KRT73: variants seen among roughly 807,000 people sequenced by gnomAD.
The protein encoded by KRT73 is keratin, type II cytoskeletal 73.
A neutral mutation model predicts 47.2 loss-of-function variants in KRT73; 44 were observed. The observed-to-expected ratio is 0.93, with a 90% CI of 0.73 to 1.20. KRT73 has a LOEUF of 1.20. Among genes scored for constraint, KRT73 ranks in the 50% most tolerant of loss-of-function variants. The pLI, the probability that KRT73 is intolerant of heterozygous loss-of-function variation, is 0.00. For missense variants in KRT73, 713 were observed against 704.5 expected, an observed-to-expected ratio of 1.01 and a Z score of -0.14; for synonymous variants, 285 against 291.3, an observed-to-expected ratio of 0.98 and a Z score of 0.22.
upstream of KRT73, among the ~76,000 whole-genome samples, chr12:52,620,109 CTTTTTTT>C (rs10638831): frequency 8.5e-5 from 8 of 94,446 alleles, no homozygotes; most frequent in Non-Finnish European, 1.6e-4. Context: ...TCCTTTTTTT[CTTTTTTT>C]TTTTTTTTTT....
chr12:52,608,509 A>G, intron 8 of KRT73, 57 bp from the exon 9 acceptor site: 1 of 1,477,518 alleles, frequency 6.8e-7, no homozygotes, highest in Non-Finnish European at 9.0e-7. Flanking sequence ...AGGTGGCCTT[A>G]AGTCCCCCTC....
intron 8 of KRT73, 35 bp from the exon 9 acceptor site, chr12:52,608,487 A>G (rs370657454): frequency 1.2e-4 from 187 of 1,548,660 alleles, no homozygotes; most frequent in Non-Finnish European, 1.5e-4. Flanking sequence ...ATCAGTGTAT[A>G]TCCCAGGACA....
At chr12:52,628,337 G>A in the KRT73 span, among the ~76,000 whole-genome samples, 5 of 152,068 alleles carry the variant, frequency 3.3e-5, no homozygotes, top group African/African-American at 1.2e-4. Context: ...CTTTCTCAGG[G>A]AATGGGGTGG....
chr12:52,610,057 TTTGTC>T (rs1461465822), intron 7 of KRT73: 1 of 141,288 alleles, frequency 7.1e-6, no homozygotes, highest in East Asian at 2.4e-4. Context: ...GTTTTTGTGT[TTTGTC>T]TGTTTGTTTG....
Position 52,618,210 on chromosome 12 carries a change from A to T in KRT73, c.315T>A (p.His105Gln). 1 of 1,614,066 alleles carries T rather than the reference A, an allele frequency of 6.2e-7. No individual in the cohort carries two copies. Among genetic ancestry groups the T allele is most frequent in the African/African-American group, 1.3e-5 (1 of 75,014 alleles). Residue 105 changes from histidine to glutamine, a missense_variant, in exon 1 of 9, where the codon CAT (histidine) becomes CAA (glutamine). Transcript: ENST00000305748. ...CPSLCPPGGI[H>Q]QVTINKSLLA... ...GGAGGCTCTTGTTGATGGTGACCTG[A>T]TGGATACCCCCGGGCGGGCACAACG...
chr12:52,624,138 A>G, the KRT73 span, among the ~76,000 whole-genome samples: 16 of 152,122 alleles, frequency 1.1e-4, no homozygotes, highest in African/African-American at 3.6e-4. Context: ...AAGCAAAAAA[A>G]TTATGAGACA....
intron 7 of KRT73, among the ~76,000 whole-genome samples, chr12:52,609,526 CA>C (rs754937973): frequency 6.6e-6 from 1 of 152,204 alleles, no homozygotes; most frequent in Non-Finnish European, 1.5e-5. Context: ...TTACCACCCC[CA>C]AGGTCCCTCC....
upstream of KRT73, among the ~76,000 whole-genome samples, chr12:52,623,099 T>C (rs1462983701): frequency 6.6e-6 from 1 of 152,080 alleles, no homozygotes; most frequent in Admixed American, 6.6e-5. Context: ...TTCCCCAAAT[T>C]TGGCAAAAGA....
Position 52,608,284 on chromosome 12 carries a change from C to T in KRT73, c.1535G>A (p.Arg512Lys), listed in dbSNP as rs1278146569. 6.2e-7 allele frequency: 1 copy of T among 1,614,098 alleles called. No homozygotes were observed. Among genetic ancestry groups the T allele is most frequent in the African/African-American group, 1.3e-5 (1 of 75,064 alleles). The change falls in exon 9 of 9, where the codon AGG (arginine) becomes AAG (lysine). Residue 512 changes from arginine (R) to lysine (K), a missense_variant. Transcript: ENST00000305748. ...TTCACTTGCACTCCCCAGCCTGGTCCTGGCTTCCCCACGGGGGCTACAGTT... is the reference window on the plus strand; with the variant it reads ...TTCACTTGCACTCCCCAGCCTGGTCTTGGCTTCCCCACGGGGGCTACAGTT... ...SGNCSPRGEA[R>K]TRLGSASEFR...
At position 52,609,249 on chromosome 12, in the gene KRT73, A is replaced by G. The variant is rs368214442; in HGVS notation, c.1364T>C (p.Ile455Thr). The G allele has an allele frequency of 6.4e-5, 104 of 1,613,506 alleles. No homozygotes were observed. Among genetic ancestry groups the G allele is most frequent in the Non-Finnish European group, 8.7e-5 (103 of 1,179,546 alleles). ...CCTCAGAGTCATGAAATACTCACAA[A>G]TGCTCACGGAGTTGGTATATTCTCC... is the stretch of plus-strand genomic sequence containing the variant. ...MSGEYTNSVSISVINSSMAGM... is the reference protein window; with the variant it reads ...MSGEYTNSVSTSVINSSMAGM... Residue 455 changes from isoleucine to threonine, a missense_variant and splice_region_variant, in exon 8 of 9, where the codon ATT becomes ACT. Transcript: ENST00000305748.
intron 6 of KRT73, 102 bp downstream of exon 6, chr12:52,611,102 G>T: frequency 7.0e-7 from 1 of 1,423,836 alleles, no homozygotes. Flanking sequence ...ATTTGAAGAA[G>T]GGGATTCTGA....
the KRT73 span, among the ~76,000 whole-genome samples, chr12:52,623,991 A>G: frequency 6.6e-6 from 1 of 152,054 alleles, no homozygotes; most frequent in Non-Finnish European, 1.5e-5. Flanking sequence ...TATGTTAAAT[A>G]TAAATGGCCT....
chr12:52,613,056 G>A (rs571829689), intron 5 of KRT73, among the ~76,000 whole-genome samples: 8 of 152,142 alleles, frequency 5.3e-5, no homozygotes, highest in Admixed American at 1.3e-4. Flanking sequence ...CTGCAGGCTA[G>A]CAAGGAGGCA....
upstream of KRT73, among the ~76,000 whole-genome samples, chr12:52,622,852 T>G (rs144075920): frequency 8.0e-4 from 121 of 152,114 alleles, 1 homozygote; most frequent in Admixed American, 1.2e-3. Context: ...TGGATACACG[T>G]AACAGGAGAA....
rs781736921 is a variant in KRT73 at position 52,610,812 on chromosome 12, G to T, written c.1134C>A (p.Ile378=). 9.3e-6 allele frequency: 15 copies of T among 1,612,686 alleles called. No homozygotes were observed. Among genetic ancestry groups the T allele is most frequent in the Admixed American group, 1.7e-5 (1 of 59,990 alleles). ...KKQCANLETA[I]ADAEQRGDCA... ...AGTCCCCCCGCTGCTCGGCGTCAGC[G>T]ATGGCCGTCTCCAGGTTGGCACACT... The change falls in exon 7 of 9, where the codon ATC becomes ATA. Residue 378 remains isoleucine (I), a synonymous_variant. Coordinates refer to ENST00000305748, the MANE Select transcript of KRT73 (RefSeq NM_175068.3).
At position 52,608,125 on chromosome 12, in the gene KRT73, A is replaced by G. The variant is rs903392866; in HGVS notation, c.*71T>C. The G allele has an allele frequency of 1.3e-6, 2 of 1,491,908 alleles. No individual in the cohort carries two copies. The highest frequency in any genetic ancestry group is 1.8e-6 in the Non-Finnish European group (2 of 1,106,488). The allele number at this position is 1,491,908 out of a possible 1,614,324, so 92.4% of individuals were successfully genotyped here. ...AGATGAGGACAAATGAGACAGAGGA[A>G]TTTCCTAGAAGAGTCCGGAGCAGTC... On this transcript the variant is annotated 3_prime_UTR_variant, in exon 9 of 9. Transcript: ENST00000305748.
In KRT73 at chr12:52,608,235, G is replaced by T; in HGVS notation, c.1584C>A (p.Thr528=). The T allele has an allele frequency of 1.2e-6, 2 of 1,613,844 alleles. No homozygotes were observed. The highest frequency in any genetic ancestry group is 2.2e-5 in the East Asian group (1 of 44,872). The change falls in exon 9 of 9, where the codon ACC becomes ACA. Residue 528 remains threonine (T), a synonymous_variant. Transcript: ENST00000305748. Reference sequence around the variant, plus strand: ...TTTTGGTGGGTGAGCTTAGAGCTAAGGTCTTTCCCTGGGAGTCCCTGAATT... The same window carrying T: ...TTTTGGTGGGTGAGCTTAGAGCTAATGTCTTTCCCTGGGAGTCCCTGAATT... ...ASEFRDSQGK[T]LALSSPTKKT... is the part of the protein sequence containing the mutation.
the KRT73 span, among the ~76,000 whole-genome samples, chr12:52,630,170 C>A: frequency 6.6e-6 from 1 of 152,256 alleles, no homozygotes; most frequent in South Asian, 2.1e-4. Flanking sequence ...AAGGCCCTGA[C>A]TGGACAGCAC....
At chr12:52,616,570 T>C (rs577858098) in intron 1 of KRT73, among the ~76,000 whole-genome samples, 190 bp from the exon 2 acceptor site, 3 of 152,188 alleles carry the variant, frequency 2.0e-5, no homozygotes, top group African/African-American at 7.2e-5. Context: ...AAGTTCTCAC[T>C]CTGAGGCAGC....
Sources: allele counts gnomAD v4.1 joint callset (sites outside exome capture counted in the v4.1 genomes callset), GRCh38; gene constraint gnomAD v4.1.1; transcripts MANE v1.5; gene names NCBI Gene and HGNC (gene_info 2026-07-23, HGNC 2026-07-21).